The following LPP variants were observed in gnomAD, a reference collection of about 807,000 sequenced individuals.
LPP encodes lipoma-preferred partner.
In LPP, 38 loss-of-function variants were observed where a neutral mutation model predicts 60.4. The ratio of observed to expected loss-of-function variants is 0.63; its 90% CI spans 0.49 to 0.83. LPP has a LOEUF of 0.83. LPP is among the 40% of genes least tolerant of loss of function. The pLI is 0.00. For missense variants in LPP, 902 were observed against 783.6 expected (o/e 1.15, Z -1.80); for synonymous variants, 328 against 290.8 (o/e 1.13, Z -1.30).
intron 7 of LPP, among the ~76,000 whole-genome samples, chr3:188,694,264 C>A (rs1560075956): frequency 6.6e-6 from 1 of 152,160 alleles, no homozygotes; most frequent in African/African-American, 2.4e-5. Context: ...CTGTTTTTCC[C>A]TTTGCCCACC....
chr3:188,731,526 G>GTTTTGTTTTGTTTTGTT (rs1398766708), intron 8 of LPP, among the ~76,000 whole-genome samples: 3 of 151,278 alleles, frequency 2.0e-5, no homozygotes, highest in African/African-American at 7.3e-5. Flanking sequence ...TTTTTGTTTT[G>GTTTTGTTTTGTTTTGTT]TTTTGTTTTG....
intron 2 of LPP, among the ~76,000 whole-genome samples, chr3:188,314,353 G>A (rs1754411668): frequency 1.3e-5 from 2 of 151,450 alleles, no homozygotes; most frequent in Admixed American, 1.3e-4. Context: ...TTTTTTTAAA[G>A]AAACTTTGAA....
intron 4 of LPP, among the ~76,000 whole-genome samples, chr3:188,447,902 A>G (rs115129432): frequency 6.6e-6 from 1 of 152,148 alleles, no homozygotes; most frequent in East Asian, 1.9e-4. Context: ...ATTTACTCTC[A>G]TTTGATTGTG....
intron 6 of LPP, among the ~76,000 whole-genome samples, chr3:188,570,376 G>GT (rs767587872): frequency 6.6e-6 from 1 of 152,016 alleles, no homozygotes. Flanking sequence ...TAAAAACTTA[G>GT]TATGTATGAA....
chr3:188,180,671 T>G (rs1724682359), intron 1 of LPP: 1 of 153,416 alleles, frequency 6.5e-6, no homozygotes, highest in South Asian at 2.0e-4. Flanking sequence ...CTAATATTCT[T>G]TCTTTAGTGG....
intron 8 of LPP, chr3:188,746,390 G>A (rs1378821746): frequency 7.1e-5 from 33 of 465,714 alleles, no homozygotes; most frequent in Non-Finnish European, 5.6e-5. Context: ...ACAATCTACA[G>A]GTTAATTAGT....
chr3:188,526,972 A>C (rs887983002), intron 6 of LPP, among the ~76,000 whole-genome samples: 1 of 152,222 alleles, frequency 6.6e-6, no homozygotes, highest in Non-Finnish European at 1.5e-5. Flanking sequence ...AATTCTTATC[A>C]AAAGACTTGC....
chr3:188,812,137 A>G (rs892557563), intron 9 of LPP, among the ~76,000 whole-genome samples: 1 of 152,152 alleles, frequency 6.6e-6, no homozygotes, highest in Non-Finnish European at 1.5e-5. Context: ...TATTCTATAA[A>G]TATATTTTAT....
chr3:188,332,198 G>C (rs1338172195), intron 2 of LPP, among the ~76,000 whole-genome samples: 2 of 151,938 alleles, frequency 1.3e-5, no homozygotes, highest in African/African-American at 4.8e-5. Flanking sequence ...TGACAAATAT[G>C]TTTTCTTCTA....
In LPP at chr3:188,885,824, T is replaced by C. The variant is rs945017761; in HGVS notation, c.*11345T>C. ...TGTTGTTTCCTGACTTTTTAATGAT[T>C]GCCATTCTAACTGGTGTGAGATGGT... On this transcript the variant is annotated 3_prime_UTR_variant, in exon 12 of 12. Transcript: ENST00000617246. 5.3e-5 allele frequency: 8 copies of C among 152,286 alleles called. No individual in the cohort carries two copies. Among genetic ancestry groups the C allele is most frequent in the African/African-American group, 1.7e-4 (7 of 41,572 alleles). 9.4% of individuals were successfully genotyped at this position (152,286 alleles called of 1,614,324 possible).
chr3:188,167,460 C>T (rs1369320368), intron 1 of LPP, among the ~76,000 whole-genome samples: 1 of 151,884 alleles, frequency 6.6e-6, no homozygotes, highest in Non-Finnish European at 1.5e-5. Flanking sequence ...ATTGTGCCAC[C>T]ACTGTACTCT....
intron 1 of LPP, chr3:188,180,263 G>A (rs1227603131): frequency 1.9e-5 from 3 of 154,612 alleles, no homozygotes; most frequent in Non-Finnish European, 2.9e-5. Flanking sequence ...ATCCCTCACC[G>A]TGCCCACCTT....
chr3:188,543,285 A>G (rs16863413), intron 6 of LPP, among the ~76,000 whole-genome samples: 2,454 of 152,202 alleles, frequency 0.016, 73 homozygotes, highest in African/African-American at 0.057. Context: ...GCATCTCCCT[A>G]TTAGTGCACA....
chr3:188,860,103 G>T (rs1337496958), intron 9 of LPP, among the ~76,000 whole-genome samples: 1 of 151,792 alleles, frequency 6.6e-6, no homozygotes, highest in Non-Finnish European at 1.5e-5. Flanking sequence ...TGTCTCACAG[G>T]AAGGCAGAGC....
intron 8 of LPP, among the ~76,000 whole-genome samples, chr3:188,744,133 CAT>C (rs1725349102): frequency 6.6e-6 from 1 of 152,140 alleles, no homozygotes; most frequent in African/African-American, 2.4e-5. Flanking sequence ...TACTCACAAA[CAT>C]ATATACACAG....
intron 9 of LPP, among the ~76,000 whole-genome samples, chr3:188,761,875 A>G (rs1383065533): frequency 2.0e-5 from 3 of 152,170 alleles, no homozygotes; most frequent in Non-Finnish European, 4.4e-5. Flanking sequence ...AACAGACTAA[A>G]CCGGGTGTCA....
At chr3:188,197,850 T>C (rs1054394095) in intron 1 of LPP, among the ~76,000 whole-genome samples, 10 of 152,180 alleles carry the variant, frequency 6.6e-5, no homozygotes, top group Non-Finnish European at 1.3e-4. Context: ...TCCCCTCTTC[T>C]AGTTAAATAC....
chr3:188,660,403 A>T (rs1196179397), intron 7 of LPP, among the ~76,000 whole-genome samples: 1 of 152,184 alleles, frequency 6.6e-6, no homozygotes, highest in African/African-American at 2.4e-5. Context: ...TGTGTGTAAT[A>T]TTTGTGTGTT....
At chr3:188,274,964 T>A (rs1212587100) in intron 2 of LPP, among the ~76,000 whole-genome samples, 2 of 152,214 alleles carry the variant, frequency 1.3e-5, no homozygotes, top group African/African-American at 4.8e-5. Flanking sequence ...CCATGAAAAT[T>A]GACAGTCAAG....
Sources: allele counts gnomAD v4.1 joint callset (sites outside exome capture counted in the v4.1 genomes callset), GRCh38; gene constraint gnomAD v4.1.1; transcripts MANE v1.5; gene names NCBI Gene and HGNC (gene_info 2026-07-23, HGNC 2026-07-21).